The following TAFA1 variants were observed in gnomAD, a reference collection of about 807,000 sequenced individuals.
The protein encoded by TAFA1 is TAFA chemokine like family member 1.
TAFA1 carries 4 observed loss-of-function variants against 18.5 expected under a neutral mutation model. That is an observed-to-expected ratio of 0.22 (90% CI 0.11 to 0.49). The LOEUF (loss-of-function observed/expected upper bound fraction) is 0.49, where lower values mean the gene tolerates loss of function less well. Among genes scored for constraint, TAFA1 ranks in the 20% least tolerant of loss-of-function variants. The pLI is 0.98. For synonymous variants in TAFA1, 56 were observed against 55.2 expected, an observed-to-expected ratio of 1.01 and a Z score of -0.06; for missense variants, 147 against 169.0, an observed-to-expected ratio of 0.87 and a Z score of 0.72.
chr3:68,405,699 C>CCAAAAAAAAAA (rs1559655011), intron 2 of TAFA1, among the ~76,000 whole-genome samples: 6 of 32,890 alleles, frequency 1.8e-4, no homozygotes, highest in Admixed American at 5.1e-4. Flanking sequence ...GACTCTATCT[C>CCAAAAAAAAAA]AAAAAAAAAA....
At chr3:68,540,664 C>T (rs2073357453) in intron 4 of TAFA1, among the ~76,000 whole-genome samples, 1 of 152,092 alleles carries the variant, frequency 6.6e-6, no homozygotes, top group African/African-American at 2.4e-5. Context: ...AAGTCTTATT[C>T]TCATGGTGTC....
chr3:68,307,677 G>A (rs1053526144), intron 2 of TAFA1, among the ~76,000 whole-genome samples: 3 of 152,040 alleles, frequency 2.0e-5, no homozygotes, highest in African/African-American at 7.2e-5. Context: ...ACAGGGCAAG[G>A]CACTTGAAAA....
intron 2 of TAFA1, among the ~76,000 whole-genome samples, chr3:68,033,125 C>A (rs924751246): frequency 6.6e-6 from 1 of 152,128 alleles, no homozygotes; most frequent in African/African-American, 2.4e-5. Flanking sequence ...AAATTGCCTT[C>A]AATTTTCCAC....
At chr3:68,056,548 G>A (rs2064539188) in intron 2 of TAFA1, among the ~76,000 whole-genome samples, 1 of 152,148 alleles carries the variant, frequency 6.6e-6, no homozygotes, top group South Asian at 2.1e-4. Flanking sequence ...ATACAGTGAA[G>A]ATAAGACAGC....
intron 2 of TAFA1, among the ~76,000 whole-genome samples, chr3:68,012,655 T>G (rs569564428): frequency 7.7e-4 from 117 of 152,304 alleles, no homozygotes; most frequent in Non-Finnish European, 1.4e-3. Context: ...TTTTTTGGAT[T>G]CATTTTTGGA....
chr3:68,230,366 G>C (rs1045622654), intron 2 of TAFA1, among the ~76,000 whole-genome samples: 1 of 151,298 alleles, frequency 6.6e-6, no homozygotes, highest in Non-Finnish European at 1.5e-5. Flanking sequence ...TGAAAAATGT[G>C]CCATGTTTGT....
intron 3 of TAFA1, among the ~76,000 whole-genome samples, chr3:68,518,527 G>T (rs958422552): frequency 6.6e-6 from 1 of 152,164 alleles, no homozygotes; most frequent in African/African-American, 2.4e-5. Context: ...GCATTGAATT[G>T]CATCTGGATG....
rs578204492 is a variant in TAFA1, at chr3:68,114,319, A to T, written c.118+107575A>T. Among the ~76,000 whole-genome samples the T allele has an allele frequency of 3.3e-5, 5 of 152,234 alleles. No individual in the cohort carries two copies. In the East Asian group the frequency reaches 9.7e-4, roughly 29 times the overall value. Reference sequence around the variant, plus strand: ...CCACAGACCAGTCACAATTAGCTAAACCTAGCCTAGAGCAGAAGAACTATG... The same window carrying T: ...CCACAGACCAGTCACAATTAGCTAATCCTAGCCTAGAGCAGAAGAACTATG... On this transcript the variant is annotated intron_variant, in intron 2 of 4. Coordinates refer to ENST00000478136, the MANE Select transcript of TAFA1 (RefSeq NM_213609.4).
chr3:68,531,136 A>G (rs976211893), intron 3 of TAFA1, among the ~76,000 whole-genome samples: 1 of 152,152 alleles, frequency 6.6e-6, no homozygotes, highest in African/African-American at 2.4e-5. Context: ...AAAGTTACTT[A>G]GTCTCTCCGG....
At chr3:68,299,225 A>G (rs2106638726) in intron 2 of TAFA1, among the ~76,000 whole-genome samples, 1 of 152,342 alleles carries the variant, frequency 6.6e-6, no homozygotes, top group South Asian at 2.1e-4. Flanking sequence ...CTCTTCATAC[A>G]GAGCATTTCC....
chr3:68,499,471 A>G (rs2072619561), intron 3 of TAFA1, among the ~76,000 whole-genome samples: 1 of 136,026 alleles, frequency 7.4e-6, no homozygotes. Flanking sequence ...TTTTGAGAAG[A>G]CATGCTACAA....
At chr3:68,416,303 G>T (rs979761458) in intron 2 of TAFA1, among the ~76,000 whole-genome samples, 24 of 152,114 alleles carry the variant, frequency 1.6e-4, no homozygotes, top group African/African-American at 5.6e-4. Flanking sequence ...TCTATGTACA[G>T]GAGATGTATT....
intron 2 of TAFA1, among the ~76,000 whole-genome samples, chr3:68,051,695 C>T (rs1475938770): frequency 6.6e-6 from 1 of 152,070 alleles, no homozygotes; most frequent in Non-Finnish European, 1.5e-5. Flanking sequence ...TAGTATTTCA[C>T]ATGATTTGCA....
At position 68,539,688 on chromosome 3, in the gene TAFA1, T is replaced by TGGGG. The variant is rs1184533157; in HGVS notation, c.384+809_384+812dup. Among the ~76,000 whole-genome samples the TGGGG allele has an allele frequency of 9.6e-4, 12 of 12,436 alleles. No individual in the cohort carries two copies. In the South Asian group the frequency reaches 0.015, roughly 16 times the overall value. The allele number at this position is 12,436 out of a possible 152,430, so 8.2% of individuals were successfully genotyped here. A position where few individuals can be genotyped will look rare whatever the true frequency, so the allele number is the denominator to read the frequency against. ...CTCTGTGTGTGTGTGTGGGGGGGCATGGGGTGGGTGGGTGGGTGTGTGCAT... is the reference window on the plus strand; with the variant it reads ...CTCTGTGTGTGTGTGTGGGGGGGCATGGGGGGGGTGGGTGGGTGGGTGTGTGCAT... On this transcript the variant is annotated intron_variant, in intron 4 of 4. Coordinates refer to ENST00000478136, the MANE Select transcript of TAFA1 (RefSeq NM_213609.4).
intron 2 of TAFA1, among the ~76,000 whole-genome samples, chr3:68,236,369 A>T (rs2107126587): frequency 6.6e-6 from 1 of 152,360 alleles, no homozygotes; most frequent in Admixed American, 6.5e-5. Context: ...AGTGCATTCA[A>T]AATGAACTTA....
chr3:68,373,105 C>T (rs2069744016), intron 2 of TAFA1, among the ~76,000 whole-genome samples: 1 of 152,078 alleles, frequency 6.6e-6, no homozygotes, highest in South Asian at 2.1e-4. Context: ...GCAATTCCAG[C>T]CCCTAACACA....
chr3:68,079,525 T>C (rs1456528093), intron 2 of TAFA1, among the ~76,000 whole-genome samples: 1 of 152,184 alleles, frequency 6.6e-6, no homozygotes, highest in South Asian at 2.1e-4. Flanking sequence ...TTTGTTCTCG[T>C]TGGTTTCAAA....
chr3:68,033,928 G>A (rs1159891374), intron 2 of TAFA1, among the ~76,000 whole-genome samples: 1 of 152,136 alleles, frequency 6.6e-6, no homozygotes, highest in Non-Finnish European at 1.5e-5. Flanking sequence ...TCATTTGGAA[G>A]AAATATGGAC....
chr3:68,389,000 C>G (rs1030740650), intron 2 of TAFA1, among the ~76,000 whole-genome samples: 8 of 152,132 alleles, frequency 5.3e-5, no homozygotes, highest in African/African-American at 1.4e-4. Flanking sequence ...AGAAAAGTAT[C>G]TCTGACCCTG....
Sources: allele counts gnomAD v4.1 joint callset (sites outside exome capture counted in the v4.1 genomes callset), GRCh38; gene constraint gnomAD v4.1.1; transcripts MANE v1.5; gene names NCBI Gene and HGNC (gene_info 2026-07-23, HGNC 2026-07-21).